BACH2: variants seen among roughly 807,000 people sequenced by gnomAD.
BACH2 encodes BACH transcriptional regulator 2.
BACH2 carries 5 observed loss-of-function variants against 61.8 expected under a neutral mutation model. The observed-to-expected ratio is 0.08, with a 90% CI of 0.04 to 0.17. The LOEUF (loss-of-function observed/expected upper bound fraction) is 0.17, where lower values mean the gene tolerates loss of function less well. BACH2 is among the 10% of genes least tolerant of loss of function. The pLI is 1.00. For synonymous variants in BACH2, 446 were observed against 440.1 expected (o/e 1.01, Z -0.17); for missense variants, 824 against 1,091.1 (o/e 0.76, Z 3.45).
At chr6:90,128,015 A>G (rs938797753) in intron 4 of BACH2, among the ~76,000 whole-genome samples, 4 of 152,056 alleles carry the variant, frequency 2.6e-5, no homozygotes, top group Non-Finnish European at 5.9e-5. Flanking sequence ...CAGCCTTCCC[A>G]TGCACTTTTC....
intron 8 of BACH2, among the ~76,000 whole-genome samples, chr6:89,937,312 A>G (rs1308089961): frequency 1.3e-5 from 2 of 152,154 alleles, no homozygotes; most frequent in Non-Finnish European, 2.9e-5. Context: ...AGGAGAAAGC[A>G]GTGGTACAAG....
chr6:90,203,406 A>G (rs1324545810), intron 4 of BACH2, among the ~76,000 whole-genome samples: 3 of 151,522 alleles, frequency 2.0e-5, no homozygotes, highest in Non-Finnish European at 4.4e-5. Context: ...AAAAAAAAAA[A>G]AAAAAAAAAA....
chr6:90,112,134 A>G (rs1783199541), intron 4 of BACH2, among the ~76,000 whole-genome samples: 1 of 152,214 alleles, frequency 6.6e-6, no homozygotes, highest in Non-Finnish European at 1.5e-5. Context: ...TAAGAGTCCA[A>G]GATCTCTTTG....
At chr6:90,016,836 A>C (rs1334402959) in intron 5 of BACH2, among the ~76,000 whole-genome samples, 1 of 151,968 alleles carries the variant, frequency 6.6e-6, no homozygotes, top group East Asian at 1.9e-4. Context: ...AGTACTTTGA[A>C]AATTGTCATT....
intron 1 of BACH2, among the ~76,000 whole-genome samples, chr6:90,277,035 T>C (rs1040142057): frequency 6.6e-6 from 1 of 152,216 alleles, no homozygotes; most frequent in South Asian, 2.1e-4. Flanking sequence ...TGATATACTA[T>C]TCAAGACACC....
At chr6:90,073,604 G>T (rs1781340003) in intron 5 of BACH2, among the ~76,000 whole-genome samples, 1 of 152,142 alleles carries the variant, frequency 6.6e-6, no homozygotes, top group African/African-American at 2.4e-5. Context: ...TTCCTGGGAG[G>T]TCACATTTCA....
At chr6:89,960,318 CAA>C (rs1364742423) in intron 6 of BACH2, among the ~76,000 whole-genome samples, 1 of 152,244 alleles carries the variant, frequency 6.6e-6, no homozygotes, top group Admixed American at 6.5e-5. Context: ...GGGATTTACC[CAA>C]AGTCACAGGG....
chr6:89,928,192 T>A lies in BACH2; in HGVS notation c.*4216A>T, dbSNP rs539267716. 6.6e-6 allele frequency: 1 copy of A among 152,498 alleles called. No homozygotes were observed. Among genetic ancestry groups the A allele is most frequent in the East Asian group, 1.9e-4 (1 of 5,330 alleles). The allele number at this position is 152,498 out of a possible 1,614,324, so 9.4% of individuals were successfully genotyped here. On this transcript the variant is annotated 3_prime_UTR_variant, in exon 9 of 9. Coordinates refer to ENST00000257749, the MANE Select transcript of BACH2 (RefSeq NM_021813.4). ...ACAGTCATTTGAGGACCAAACTTGA[T>A]TCTTGCTCCTTCTGGATCTGAGACT... is the stretch of plus-strand genomic sequence containing the variant.
At chr6:90,077,568 A>AAT (rs1781526403) in intron 5 of BACH2, among the ~76,000 whole-genome samples, 1 of 152,150 alleles carries the variant, frequency 6.6e-6, no homozygotes, top group African/African-American at 2.4e-5. Flanking sequence ...TGAGAATACT[A>AAT]ATATATAAAT....
At chr6:90,014,217 G>A (rs1026511567) in intron 5 of BACH2, among the ~76,000 whole-genome samples, 1 of 149,554 alleles carries the variant, frequency 6.7e-6, no homozygotes, top group Non-Finnish European at 1.5e-5. Flanking sequence ...TAGCATCAGG[G>A]TAATGATGAT....
At chr6:90,238,450 T>C (rs1048795813) in intron 3 of BACH2, among the ~76,000 whole-genome samples, 5 of 152,346 alleles carry the variant, frequency 3.3e-5, no homozygotes, top group Admixed American at 6.5e-5. Flanking sequence ...AATTGAATTA[T>C]ATGCTGTAAA....
At chr6:89,994,402 G>A (rs538213922) in intron 6 of BACH2, among the ~76,000 whole-genome samples, 5 of 152,264 alleles carry the variant, frequency 3.3e-5, no homozygotes, top group Non-Finnish European at 5.9e-5. Context: ...TTCAATGGTC[G>A]GGGCAAATTT....
chr6:90,257,862 G>T (rs12333214), intron 2 of BACH2, among the ~76,000 whole-genome samples: 42 of 152,058 alleles, frequency 2.8e-4, no homozygotes, highest in African/African-American at 9.9e-4. Flanking sequence ...TACAATCTCG[G>T]CCTCCTGGGT....
chr6:90,219,518 C>A (rs576303289), intron 3 of BACH2, among the ~76,000 whole-genome samples: 1 of 152,320 alleles, frequency 6.6e-6, no homozygotes, highest in African/African-American at 2.4e-5. Context: ...CTAAAGAATT[C>A]TCTGCCATTC....
chr6:90,049,669 C>T (rs1168931572), intron 5 of BACH2, among the ~76,000 whole-genome samples: 1 of 152,176 alleles, frequency 6.6e-6, no homozygotes, highest in African/African-American at 2.4e-5. Flanking sequence ...CTACCATATA[C>T]TCACCATAGA....
chr6:90,193,415 T>A lies in BACH2; in HGVS notation c.-162+13154A>T, dbSNP rs75893570. ...AGAGACTCGGGAAAAGGTGACCTTC[T>A]ACAAGCCAAGGAGCAAGGCCTGGAA... is the stretch of plus-strand genomic sequence containing the variant. On this transcript the variant is annotated intron_variant, in intron 4 of 8. Transcript: ENST00000257749. Among the ~76,000 whole-genome samples the A allele has an allele frequency of 6.9e-3, 1,058 of 152,284 alleles. 13 individuals are homozygous for A. The highest frequency in any genetic ancestry group is 0.023 in the African/African-American group (943 of 41,568).
At chr6:90,253,005 G>A (rs181697317) in intron 2 of BACH2, among the ~76,000 whole-genome samples, 1 of 152,330 alleles carries the variant, frequency 6.6e-6, no homozygotes, top group East Asian at 1.9e-4. Flanking sequence ...AGCACTTTGG[G>A]AGGCCAAAGC....
At chr6:90,223,004 C>T (rs980416528) in intron 3 of BACH2, among the ~76,000 whole-genome samples, 1 of 152,212 alleles carries the variant, frequency 6.6e-6, no homozygotes, top group Admixed American at 6.5e-5. Flanking sequence ...TGGTCCAACC[C>T]TAGCCAATAG....
chr6:90,127,323 T>C (rs1783895824), intron 4 of BACH2, among the ~76,000 whole-genome samples: 1 of 152,136 alleles, frequency 6.6e-6, no homozygotes, highest in Non-Finnish European at 1.5e-5. Context: ...GGACCCCCTT[T>C]TTGAGGTGAA....
Sources: gnomAD v4.1 joint callset for allele counts (sites outside exome capture counted in the v4.1 genomes callset) on GRCh38, gnomAD v4.1.1 for gene constraint, MANE v1.5 for transcripts, NCBI Gene and HGNC (gene_info 2026-07-23, HGNC 2026-07-21) for gene names.